STAG1: variants seen among roughly 807,000 people sequenced by gnomAD.
The protein encoded by STAG1 is cohesin subunit SA-1.
In STAG1, 26 loss-of-function variants were observed where a neutral mutation model predicts 170.9. The observed-to-expected ratio is 0.15, with a 90% CI of 0.11 to 0.21. The LOEUF is 0.21. STAG1 is among the 10% of genes least tolerant of loss of function. The pLI, the probability that STAG1 is intolerant of heterozygous loss-of-function variation, is 1.00. For missense variants in STAG1, 964 were observed against 1,509.5 expected (o/e 0.64, Z 5.99); for synonymous variants, 514 against 497.7 (o/e 1.03, Z -0.44).
chr3:136,644,505 G>C (rs1014394673), intron 1 of STAG1, among the ~76,000 whole-genome samples: 3 of 152,012 alleles, frequency 2.0e-5, no homozygotes, highest in Admixed American at 2.0e-4. Flanking sequence ...TCATCAATGA[G>C]ATATAAAAAA....
chr3:136,485,412 A>C (rs1231830613), intron 9 of STAG1, among the ~76,000 whole-genome samples: 3 of 152,110 alleles, frequency 2.0e-5, no homozygotes, highest in Non-Finnish European at 4.4e-5. Context: ...AGCCGAGATC[A>C]CGCCACTGCA....
chr3:136,526,262 T>C (rs566906648), intron 6 of STAG1, among the ~76,000 whole-genome samples: 1 of 152,322 alleles, frequency 6.6e-6, no homozygotes, highest in East Asian at 1.9e-4. Flanking sequence ...GGACTTTCCT[T>C]ATGAATCTGG....
At chr3:136,559,124 CCTAT>C (rs3042748) in intron 5 of STAG1, among the ~76,000 whole-genome samples, 3,766 of 144,080 alleles carry the variant, frequency 0.026, 106 homozygotes, top group African/African-American at 0.074. Context: ...CACTGAACTA[CCTAT>C]CTATCTATCT....
rs1941226635 is a variant in STAG1 at position 136,651,791 on chromosome 3, C to T, written c.-83-20810G>A. Among the ~76,000 whole-genome samples the T allele has an allele frequency of 2.0e-5, 3 of 152,142 alleles. No homozygotes were observed. In the South Asian group the frequency reaches 6.2e-4, roughly 32 times the overall value. On this transcript the variant is annotated intron_variant, in intron 1 of 33. Transcript: ENST00000383202. ...CGCTGCCCAATTATCAAGCCTACAC[C>T]TCAGTGCCATATCTCCAACGGACCC...
intron 21 of STAG1, among the ~76,000 whole-genome samples, chr3:136,406,029 C>T (rs967265775): frequency 2.6e-5 from 4 of 152,006 alleles, no homozygotes; most frequent in African/African-American, 9.7e-5. Context: ...AGCAATTTTA[C>T]TCTGGGGCAT....
chr3:136,432,514 TGG>T (rs61616234), intron 16 of STAG1, among the ~76,000 whole-genome samples: 3,898 of 100,258 alleles, frequency 0.039, 74 homozygotes, highest in Middle Eastern at 0.064. Flanking sequence ...TCTTTTTTTT[TGG>T]GGGGGGGGGG....
At chr3:136,391,368 CTTTT>C (rs5852844) in intron 22 of STAG1, among the ~76,000 whole-genome samples, 8 of 124,556 alleles carry the variant, frequency 6.4e-5, no homozygotes, top group Admixed American at 2.6e-4. Context: ...CTTTAGCCCT[CTTTT>C]TTTTTTTTTT....
chr3:136,498,284 T>C (rs7431231), intron 9 of STAG1, among the ~76,000 whole-genome samples: 39,727 of 85,058 alleles, frequency 0.47, 10,215 homozygotes, highest in East Asian at 0.8. Context: ...CACACACACA[T>C]ACACACACAC....
At chr3:136,360,686 T>C (rs1936829346) in intron 26 of STAG1, among the ~76,000 whole-genome samples, 1 of 152,142 alleles carries the variant, frequency 6.6e-6, no homozygotes, top group South Asian at 2.1e-4. Context: ...TCTTTTTTTT[T>C]CCTGAGGAGT....
intron 3 of STAG1, among the ~76,000 whole-genome samples, chr3:136,617,330 C>T (rs1231315164): frequency 6.6e-6 from 1 of 152,162 alleles, no homozygotes; most frequent in Admixed American, 6.5e-5. Flanking sequence ...CTACAGGGAA[C>T]CATGAGATCA....
chr3:136,576,971 A>G (rs1937487918), intron 4 of STAG1, among the ~76,000 whole-genome samples: 1 of 152,240 alleles, frequency 6.6e-6, no homozygotes, highest in South Asian at 2.1e-4. Context: ...GATAGAGCTT[A>G]GCTCCTTGCC....
At chr3:136,346,944 C>G (rs1560047958) in intron 29 of STAG1, among the ~76,000 whole-genome samples, 1 of 151,774 alleles carries the variant, frequency 6.6e-6, no homozygotes. Context: ...ACGAAAAATA[C>G]AAAAATTAGC....
Position 136,369,215 on chromosome 3 carries a change from C to T in STAG1, c.2438G>A (p.Gly813Asp). The change falls in exon 24 of 34, where the codon GGC becomes GAC. Residue 813 changes from glycine (G) to aspartate (D), a missense_variant. Around this residue, in one of 11 missense-constraint regions of STAG1, gnomAD observed 232 missense variants for 313.0 expected, o/e 0.74. Coordinates refer to ENST00000383202, the MANE Select transcript of STAG1 (RefSeq NM_005862.3). ...SHQLMTGGREGLQPLVFNPDT... is the reference protein window; with the variant it reads ...SHQLMTGGREDLQPLVFNPDT... ...TGGATTGAACACCAAAGGCTGAAGG[C>T]CCTCTCTGCCACCTGTCATTAATTG... 1.2e-6 allele frequency: 2 copies of T among 1,604,584 alleles called. No homozygotes were observed. Among genetic ancestry groups the T allele is most frequent in the Non-Finnish European group, 1.7e-6 (2 of 1,177,594 alleles).
chr3:136,580,381 G>A (rs886809514), intron 4 of STAG1, among the ~76,000 whole-genome samples: 4 of 152,034 alleles, frequency 2.6e-5, no homozygotes, highest in Admixed American at 1.3e-4. Flanking sequence ...AAACTGTGGT[G>A]ACAATATTAA....
At chr3:136,442,604 GA>G (rs1341541556) in intron 15 of STAG1, among the ~76,000 whole-genome samples, 3 of 151,812 alleles carry the variant, frequency 2.0e-5, no homozygotes, top group Non-Finnish European at 4.4e-5. Context: ...CAAAAGAGGG[GA>G]TGGCTGTGGT....
chr3:136,509,212 T>C (rs760495418), intron 7 of STAG1, among the ~76,000 whole-genome samples: 7 of 152,188 alleles, frequency 4.6e-5, no homozygotes, highest in Non-Finnish European at 1.0e-4. Context: ...GCTTAATCCC[T>C]GAAGGATTCT....
chr3:136,539,227 A>AT (rs1368757351), intron 6 of STAG1, among the ~76,000 whole-genome samples: 1 of 152,116 alleles, frequency 6.6e-6, no homozygotes, highest in East Asian at 1.9e-4. Flanking sequence ...GCTTTCCCCT[A>AT]TCATATCCGT....
chr3:136,450,866 A>C (rs1017350599), intron 14 of STAG1, among the ~76,000 whole-genome samples: 4 of 152,062 alleles, frequency 2.6e-5, no homozygotes, highest in African/African-American at 9.7e-5. Context: ...CTTGTGTCTC[A>C]GACTCTTTAT....
chr3:136,499,227 C>T (rs994030201), intron 9 of STAG1, among the ~76,000 whole-genome samples: 1 of 152,098 alleles, frequency 6.6e-6, no homozygotes, highest in South Asian at 2.1e-4. Flanking sequence ...GTTCTGTCAC[C>T]CAGACTGGAG....
Sources: allele counts gnomAD v4.1 joint callset (sites outside exome capture counted in the v4.1 genomes callset), GRCh38; gene constraint gnomAD v4.1.1; regional missense constraint gnomAD v4.1.1; transcripts MANE v1.5; gene names NCBI Gene and HGNC (gene_info 2026-07-23, HGNC 2026-07-21).